YTHDF3: variants seen among roughly 807,000 people sequenced by gnomAD.
The protein encoded by YTHDF3 is YTH N6-methyladenosine RNA binding protein F3.
YTHDF3 carries 9 observed loss-of-function variants against 52.5 expected under a neutral mutation model. The ratio of observed to expected loss-of-function variants is 0.17; its 90% CI spans 0.10 to 0.30. YTHDF3 has a LOEUF of 0.30. Ranked by LOEUF, YTHDF3 falls within the 10% of genes least tolerant of loss-of-function variation. The probability of loss-of-function intolerance (pLI) is 1.00; values close to 1 mark genes in which losing one functional copy is unlikely to be tolerated. For synonymous variants in YTHDF3, 274 were observed against 243.3 expected (o/e 1.13, Z -1.18); for missense variants, 534 against 715.0 (o/e 0.75, Z 2.89).
At position 63,198,553 on chromosome 8, in the gene YTHDF3, C is replaced by T. The variant is rs185465784; in HGVS notation, c.1734+10808C>T. Among the ~76,000 whole-genome samples the T allele has an allele frequency of 1.8e-4, 27 of 152,310 alleles. No homozygotes were observed. In the East Asian group the frequency reaches 4.2e-3, roughly 24 times the overall value. On this transcript the variant is annotated intron_variant, in intron 4 of 4. Coordinates refer to ENST00000539294, the MANE Select transcript of YTHDF3 (RefSeq NM_152758.6). ...AAGTGCTGGGATTACAGACTTGAGC[C>T]ACCGTGCCTGGCCAAGTTGGGCATT... is the stretch of plus-strand genomic sequence containing the variant.
intron 2 of YTHDF3, 59 bp from the exon 3 acceptor site, chr8:63,175,272 G>T (rs1368834317): frequency 4.0e-6 from 5 of 1,260,032 alleles, no homozygotes; most frequent in Non-Finnish European, 5.6e-6. Flanking sequence ...AAAACATTAG[G>T]TTGTGCTGCG....
chr8:63,177,967 A>G (rs71527176), intron 3 of YTHDF3, among the ~76,000 whole-genome samples: 1 of 152,112 alleles, frequency 6.6e-6, no homozygotes, highest in East Asian at 1.9e-4. Flanking sequence ...CATATTGGCA[A>G]GGCTGGTCTT....
chr8:63,169,529 A>G lies in YTHDF3; in HGVS notation c.49+118A>G, dbSNP rs1356302391. Reference sequence around the variant, plus strand: ...CTTGGGAAAAAATGTAGGATTAGGGAAAATATTCATCATGGCTAAGGTAGC... The same window carrying G: ...CTTGGGAAAAAATGTAGGATTAGGGGAAATATTCATCATGGCTAAGGTAGC... On this transcript the variant is annotated intron_variant, in intron 2 of 4. Coordinates refer to ENST00000539294, the MANE Select transcript of YTHDF3 (RefSeq NM_152758.6). 2.6e-6 allele frequency: 3 copies of G among 1,147,116 alleles called. No individual in the cohort carries two copies. The African/African-American group carries it at 4.7e-5, about 18-fold the overall frequency. 71.1% of individuals were successfully genotyped at this position (1,147,116 alleles called of 1,614,324 possible). A position where few individuals can be genotyped will look rare whatever the true frequency, so the allele number is the denominator to read the frequency against.
chr8:63,176,844 C>T (rs887990813), intron 3 of YTHDF3, among the ~76,000 whole-genome samples: 3 of 151,630 alleles, frequency 2.0e-5, no homozygotes, highest in African/African-American at 7.3e-5. Context: ...CGCCTGGCTA[C>T]TTTTTGTATT....
At chr8:63,169,291 C>A in intron 1 of YTHDF3, 96 bp from the exon 2 acceptor site, 10 of 1,486,706 alleles carry the variant, frequency 6.7e-6, no homozygotes, top group Non-Finnish European at 9.1e-6. Flanking sequence ...CGCGGATAGT[C>A]TAAAATAACT....
chr8:63,206,232 G>C (rs913618848), intron 4 of YTHDF3, among the ~76,000 whole-genome samples: 1 of 151,918 alleles, frequency 6.6e-6, no homozygotes, highest in African/African-American at 2.4e-5. Flanking sequence ...TGCCACCATA[G>C]CCAGCTAATT....
Position 63,168,703 on chromosome 8 carries a change from G to C in YTHDF3, c.-175G>C. On this transcript the variant is annotated 5_prime_UTR_variant, in exon 1 of 5. Transcript: ENST00000539294. Reference sequence around the variant, plus strand: ...AGAGGAGCGTGCAAGCGGAAAAGACGGGCCTCTTCCTCCGACTCCCGAGCG... The same window carrying C: ...AGAGGAGCGTGCAAGCGGAAAAGACCGGCCTCTTCCTCCGACTCCCGAGCG... 2 of 1,236,976 alleles carry C rather than the reference G, an allele frequency of 1.6e-6. No individual in the cohort carries two copies. The allele number at this position is 1,236,976 out of a possible 1,614,324, so 76.6% of individuals were successfully genotyped here.
At chr8:63,192,694 C>A (rs943356835) in intron 4 of YTHDF3, among the ~76,000 whole-genome samples, 5 of 152,122 alleles carry the variant, frequency 3.3e-5, no homozygotes, top group Admixed American at 3.3e-4. Context: ...TAACTGCTTT[C>A]AAATACTTTG....
intron 3 of YTHDF3, among the ~76,000 whole-genome samples, chr8:63,181,283 T>G (rs531996143): frequency 3.9e-5 from 6 of 152,348 alleles, no homozygotes; most frequent in Non-Finnish European, 8.8e-5. Flanking sequence ...GAAATGATTT[T>G]CTAACTAGTA....
chr8:63,197,161 G>A (rs1470385259), intron 4 of YTHDF3, among the ~76,000 whole-genome samples: 3 of 152,196 alleles, frequency 2.0e-5, no homozygotes, highest in Admixed American at 6.5e-5. Flanking sequence ...GAAGATAACC[G>A]CTGAAAGAGC....
chr8:63,191,217 A>G (rs1037816060), intron 4 of YTHDF3, among the ~76,000 whole-genome samples: 4 of 152,300 alleles, frequency 2.6e-5, no homozygotes, highest in East Asian at 1.9e-4. Context: ...AACGTGTACA[A>G]TATGAATATT....
intron 3 of YTHDF3, among the ~76,000 whole-genome samples, chr8:63,185,231 A>G (rs1808420932): frequency 6.6e-6 from 1 of 152,040 alleles, no homozygotes; most frequent in Non-Finnish European, 1.5e-5. Flanking sequence ...TATTTAAAAT[A>G]CTTTAAAGTA....
rs1810392163 is a variant in YTHDF3 at position 63,211,966 on chromosome 8, A to G, written c.*2260A>G. ...TTCTTGGTCTGTCATTATATTGCAAAATATTTTTCCTCTGAATGAAATTAT... is the reference window on the plus strand; with the variant it reads ...TTCTTGGTCTGTCATTATATTGCAAGATATTTTTCCTCTGAATGAAATTAT... On this transcript the variant is annotated 3_prime_UTR_variant, in exon 5 of 5. Transcript: ENST00000539294. 2.6e-5 allele frequency: 4 copies of G among 152,620 alleles called. No homozygotes were observed. The South Asian group carries it at 8.3e-4, about 32-fold the overall frequency. 9.5% of individuals were successfully genotyped at this position (152,620 alleles called of 1,614,324 possible). A position where few individuals can be genotyped will look rare whatever the true frequency, so the allele number is the denominator to read the frequency against.
In YTHDF3 at chr8:63,212,248, C is replaced by T. The variant is rs1810405983; in HGVS notation, c.*2542C>T. Reference sequence around the variant, plus strand: ...TGTATATTTAACAGTAAGGAGGAAACTGTAACCAAAATTAGTATTTCTCTA... The same window carrying T: ...TGTATATTTAACAGTAAGGAGGAAATTGTAACCAAAATTAGTATTTCTCTA... On this transcript the variant is annotated 3_prime_UTR_variant, in exon 5 of 5. Coordinates refer to ENST00000539294, the MANE Select transcript of YTHDF3 (RefSeq NM_152758.6). 2 of 152,714 alleles carry T rather than the reference C, an allele frequency of 1.3e-5. No homozygotes were observed. The highest frequency in any genetic ancestry group is 4.1e-4 in the South Asian group (2 of 4,828). The allele number at this position is 152,714 out of a possible 1,614,324, so 9.5% of individuals were successfully genotyped here. A position where few individuals can be genotyped will look rare whatever the true frequency, so the allele number is the denominator to read the frequency against.
chr8:63,177,760 T>G (rs1388543887), intron 3 of YTHDF3, among the ~76,000 whole-genome samples: 1 of 136,254 alleles, frequency 7.3e-6, no homozygotes, highest in East Asian at 2.1e-4. Flanking sequence ...CAAACTCTTA[T>G]TTTTTTTTTT....
At chr8:63,196,489 G>A (rs553621884) in intron 4 of YTHDF3, among the ~76,000 whole-genome samples, 2 of 151,628 alleles carry the variant, frequency 1.3e-5, no homozygotes, top group Non-Finnish European at 2.9e-5. Flanking sequence ...TTGAAACCAG[G>A]AGGCGGAAGT....
intron 2 of YTHDF3, 134 bp from the exon 3 acceptor site, chr8:63,175,194 TAAG>T (rs1807603843): frequency 1.6e-6 from 1 of 619,426 alleles, no homozygotes; most frequent in South Asian, 2.2e-5. Flanking sequence ...AGTTTATCCT[TAAG>T]AGGGTTCTTA....
intron 3 of YTHDF3, among the ~76,000 whole-genome samples, chr8:63,178,364 GACTTT>G (rs1436187920): frequency 2.0e-5 from 3 of 151,824 alleles, no homozygotes; most frequent in Non-Finnish European, 2.9e-5. Flanking sequence ...TTGTGCATAA[GACTTT>G]ACTTGTAAAA....
intron 3 of YTHDF3, among the ~76,000 whole-genome samples, chr8:63,182,033 A>C (rs1808173755): frequency 6.6e-6 from 1 of 152,062 alleles, no homozygotes; most frequent in South Asian, 2.1e-4. Flanking sequence ...AAGTCATGTC[A>C]GGAGTTTGAA....
Sources: allele counts gnomAD v4.1 joint callset (sites outside exome capture counted in the v4.1 genomes callset), GRCh38; gene constraint gnomAD v4.1.1; transcripts MANE v1.5; gene names NCBI Gene and HGNC (gene_info 2026-07-23, HGNC 2026-07-21).